The following GABRB1 variants were observed in gnomAD, a reference collection of about 807,000 sequenced individuals.
GABRB1 encodes gamma-aminobutyric acid receptor subunit beta-1.
GABRB1 carries 17 observed loss-of-function variants against 51.6 expected under a neutral mutation model. The observed-to-expected ratio is 0.33, with a 90% confidence interval of 0.23 to 0.49. GABRB1 has a LOEUF of 0.49. GABRB1 is among the 20% of genes least tolerant of loss of function. GABRB1 has a pLI of 0.99. For missense variants in GABRB1, 410 were observed against 600.6 expected (o/e 0.68, Z 3.32); for synonymous variants, 247 against 218.9 (o/e 1.13, Z -1.14).
At chr4:47,258,386 G>A (rs1035044626) in intron 4 of GABRB1, among the ~76,000 whole-genome samples, 8 of 152,046 alleles carry the variant, frequency 5.3e-5, no homozygotes, top group African/African-American at 1.9e-4. Flanking sequence ...GATAAGTTTA[G>A]ATTATGTTCC....
intron 5 of GABRB1, among the ~76,000 whole-genome samples, chr4:47,350,210 T>G (rs577315971): frequency 0.076 from 6,662 of 87,620 alleles, 193 homozygotes; most frequent in South Asian, 0.087. Context: ...TATATATATA[T>G]ATATATATAG....
At chr4:47,396,213 A>G (rs1728176204) in intron 5 of GABRB1, among the ~76,000 whole-genome samples, 1 of 152,146 alleles carries the variant, frequency 6.6e-6, no homozygotes, top group Non-Finnish European at 1.5e-5. Flanking sequence ...GCAGCAGGTG[A>G]AGAGAGAGAG....
chr4:47,057,490 C>T (rs534302511), intron 3 of GABRB1, among the ~76,000 whole-genome samples: 1 of 152,294 alleles, frequency 6.6e-6, no homozygotes, highest in Admixed American at 6.5e-5. Flanking sequence ...ACAATTCTAG[C>T]ACATTTAGTG....
At chr4:47,380,235 TC>T (rs570350692) in intron 5 of GABRB1, among the ~76,000 whole-genome samples, 2 of 152,340 alleles carry the variant, frequency 1.3e-5, no homozygotes, top group East Asian at 3.9e-4. Context: ...TAACCAAGTA[TC>T]AACAAACAGT....
chr4:47,344,348 G>T (rs931470968), intron 5 of GABRB1, among the ~76,000 whole-genome samples: 2 of 152,192 alleles, frequency 1.3e-5, no homozygotes, highest in African/African-American at 4.8e-5. Flanking sequence ...GGTATAAAAA[G>T]ATTCCTAAAC....
chr4:47,066,706 C>G (rs1353479953), intron 3 of GABRB1, among the ~76,000 whole-genome samples: 2 of 152,162 alleles, frequency 1.3e-5, no homozygotes, highest in Non-Finnish European at 2.9e-5. Context: ...TTCTAGTTCT[C>G]CTGCTATTTC....
At chr4:47,367,916 A>G (rs1727040145) in intron 5 of GABRB1, among the ~76,000 whole-genome samples, 1 of 152,192 alleles carries the variant, frequency 6.6e-6, no homozygotes, top group South Asian at 2.1e-4. Context: ...ACTGATTATA[A>G]CCACATTCTA....
At chr4:47,125,122 C>G (rs1045097663) in intron 3 of GABRB1, among the ~76,000 whole-genome samples, 2 of 152,070 alleles carry the variant, frequency 1.3e-5, no homozygotes, top group African/African-American at 4.8e-5. Context: ...ATGAGTCTAT[C>G]GCAGATTTCT....
At chr4:47,019,625 C>CTCTCTCTCTCTCTCTCTT (rs1274221477) in intron 1 of GABRB1, among the ~76,000 whole-genome samples, 2 of 91,062 alleles carry the variant, frequency 2.2e-5, no homozygotes, top group Non-Finnish European at 4.2e-5. Flanking sequence ...TTCTTTCTCT[C>CTCTCTCTCTCTCTCTCTT]TCTTTCTTTC....
intron 4 of GABRB1, among the ~76,000 whole-genome samples, chr4:47,291,444 C>A (rs760220610): frequency 6.6e-6 from 1 of 152,192 alleles, no homozygotes; most frequent in Non-Finnish European, 1.5e-5. Context: ...CCGACCCACA[C>A]AGAGTCCATA....
At position 47,406,913 on chromosome 4, in the gene GABRB1, T is replaced by G; in HGVS notation, c.1067T>G (p.Met356Arg). 6.2e-7 allele frequency: 1 copy of G among 1,613,894 alleles called. No homozygotes were observed. The highest frequency in any genetic ancestry group is 1.3e-5 in the African/African-American group (1 of 75,038). ...QSANEKNKLEMNKVQVDAHGN... is the reference protein window; with the variant it reads ...QSANEKNKLERNKVQVDAHGN... ...GCCAATGAGAAGAATAAACTGGAGA[T>G]GAATAAAGTCCAGGTAAGATATTAA... is the stretch of plus-strand genomic sequence containing the variant. Residue 356 changes from methionine to arginine, a missense_variant, in exon 8 of 9, where the codon ATG becomes AGG. By Grantham distance (91) the Met-to-Arg change is moderately conservative (BLOSUM62 -1). Around this residue, in one of 5 missense-constraint regions of GABRB1, gnomAD observed 181 missense variants for 195.6 expected, o/e 0.93. Transcript: ENST00000295454.
At chr4:47,393,339 AAG>A (rs1412849089) in intron 5 of GABRB1, among the ~76,000 whole-genome samples, 4 of 152,212 alleles carry the variant, frequency 2.6e-5, no homozygotes, top group African/African-American at 7.2e-5. Flanking sequence ...TAGTGGGGGA[AAG>A]ACAGATAAGC....
intron 3 of GABRB1, among the ~76,000 whole-genome samples, chr4:47,068,593 A>T (rs1727182578): frequency 6.6e-6 from 1 of 152,192 alleles, no homozygotes; most frequent in Non-Finnish European, 1.5e-5. Context: ...TGAGGGCAAG[A>T]TGAGGAAACA....
chr4:47,251,591 G>T (rs1456989968), intron 4 of GABRB1, among the ~76,000 whole-genome samples: 1 of 152,150 alleles, frequency 6.6e-6, no homozygotes, highest in African/African-American at 2.4e-5. Flanking sequence ...GCATGTCTGA[G>T]CTCAGGCTCT....
At chr4:47,213,913 C>T (rs994087244) in intron 4 of GABRB1, among the ~76,000 whole-genome samples, 3 of 151,552 alleles carry the variant, frequency 2.0e-5, no homozygotes, top group Admixed American at 1.3e-4. Flanking sequence ...TAGATGTTGG[C>T]ATATCTTATT....
intron 5 of GABRB1, among the ~76,000 whole-genome samples, chr4:47,330,443 CT>C (rs1300237326): frequency 6.6e-6 from 1 of 152,144 alleles, no homozygotes; most frequent in Admixed American, 6.5e-5. Context: ...CTTTGTACTA[CT>C]AAGTGCTGGT....
intron 1 of GABRB1, among the ~76,000 whole-genome samples, chr4:47,022,125 C>T (rs1724944619): frequency 6.6e-6 from 1 of 152,142 alleles, no homozygotes; most frequent in African/African-American, 2.4e-5. Flanking sequence ...CAGCACTGTA[C>T]TTAAAAATTG....
chr4:47,119,108 G>A (rs927454078), intron 3 of GABRB1, among the ~76,000 whole-genome samples: 3 of 152,088 alleles, frequency 2.0e-5, no homozygotes, highest in African/African-American at 7.2e-5. Flanking sequence ...AAATATATGT[G>A]TATATAAACA....
At chr4:47,399,791 T>C (rs1728316763) in intron 5 of GABRB1, among the ~76,000 whole-genome samples, 1 of 152,246 alleles carries the variant, frequency 6.6e-6, no homozygotes, top group African/African-American at 2.4e-5. Flanking sequence ...TGTCATTCCA[T>C]AATCTTTTCT....
Sources: gnomAD v4.1 joint callset for allele counts (sites outside exome capture counted in the v4.1 genomes callset) on GRCh38, gnomAD v4.1.1 for gene constraint, gnomAD v4.1.1 regional missense constraint, MANE v1.5 for transcripts, NCBI Gene and HGNC (gene_info 2026-07-23, HGNC 2026-07-21) for gene names.